Variants in SLC4A3 observed in about 807,000 individuals in gnomAD.
SLC4A3 encodes solute carrier family 4 member 3.
In SLC4A3, 47 loss-of-function variants were observed where a neutral mutation model predicts 114.2. The observed-to-expected ratio is 0.41, with a 90% CI of 0.33 to 0.52. The LOEUF is 0.52. SLC4A3 is among the 20% of genes least tolerant of loss of function. The probability of loss-of-function intolerance (pLI) is 0.21; values close to 1 mark genes in which losing one functional copy is unlikely to be tolerated. For missense variants in SLC4A3, 1,312 were observed against 1,668.3 expected, an observed-to-expected ratio of 0.79 and a Z score of 3.72; for synonymous variants, 693 against 710.3, an observed-to-expected ratio of 0.98 and a Z score of 0.39.
chr2:219,629,169 C>T lies in SLC4A3; in HGVS notation c.243C>T (p.Thr81=). Residue 81 remains threonine, a synonymous_variant, in exon 4 of 23, where the codon ACC becomes ACT. Coordinates refer to ENST00000358055, the MANE Select transcript of SLC4A3 (RefSeq NM_005070.4). ...TTCACCGGCACACATCCCACCACAC[C>T]CACCACCCGCTCTCAGCGCGCCTGC... is the stretch of plus-strand genomic sequence containing the variant. ...FEFHRHTSHH[T]HHPLSARLPP... is the part of the protein sequence containing the mutation. 1.2e-6 allele frequency: 2 copies of T among 1,605,542 alleles called. No individual in the cohort carries two copies. Among genetic ancestry groups the T allele is most frequent in the Non-Finnish European group, 1.7e-6 (2 of 1,175,660 alleles).
In SLC4A3 at chr2:219,640,890, C is replaced by CCTG; in HGVS notation, c.3558_3560dup (p.Leu1187dup). Reference sequence around the variant, plus strand: ...CGGCGGCCTCACTCGCCTTTCCCTTCCTGCTGCTGCTCACGGTGCCTCTGA... The same window carrying CCTG: ...CGGCGGCCTCACTCGCCTTTCCCTTCCTGCTGCTGCTGCTCACGGTGCCTCTGA... On this transcript the variant is annotated inframe_insertion, in exon 22 of 23. Coordinates refer to ENST00000358055, the MANE Select transcript of SLC4A3 (RefSeq NM_005070.4). 1 of 1,611,762 alleles carries CCTG rather than the reference C, an allele frequency of 6.2e-7. No homozygotes were observed. Among genetic ancestry groups the CCTG allele is most frequent in the East Asian group, 2.2e-5 (1 of 44,882 alleles).
intron 12 of SLC4A3, 74 bp downstream of exon 12, chr2:219,634,678 G>A (rs1482299760): frequency 6.6e-7 from 1 of 1,504,132 alleles, no homozygotes; most frequent in East Asian, 2.3e-5. Flanking sequence ...GTCCACAGTG[G>A]TGCCCATAGA....
At position 219,638,625 on chromosome 2, in the gene SLC4A3, C is replaced by G. The variant is rs899026731; in HGVS notation, c.2857-78C>G. ...GCTCCCTGAAGTCCTGGACTGGGGACGCAGCTTAGTGGGCTGCTTGGTGGG... is the reference window on the plus strand; with the variant it reads ...GCTCCCTGAAGTCCTGGACTGGGGAGGCAGCTTAGTGGGCTGCTTGGTGGG... On this transcript the variant is annotated intron_variant, in intron 18 of 22. Coordinates refer to ENST00000358055, the MANE Select transcript of SLC4A3 (RefSeq NM_005070.4). The surrounding 1 kb of genome is among the most constrained non-coding windows in gnomAD (Gnocchi z 7.5). The G allele has an allele frequency of 6.8e-7, 1 of 1,473,060 alleles. No individual in the cohort carries two copies. Among genetic ancestry groups the G allele is most frequent in the African/African-American group, 1.4e-5 (1 of 72,138 alleles). 91.2% of individuals were successfully genotyped at this position (1,473,060 alleles called of 1,614,324 possible).
chr2:219,640,905 G>C lies in SLC4A3; in HGVS notation c.3564G>C (p.Thr1188=). The stretch of plus-strand genomic sequence containing the variant: ...CCTTTCCCTTCCTGCTGCTGCTCAC[G>C]GTGCCTCTGAGGCATTGCCTTCTGC... ...SLAFPFLLLL[T]VPLRHCLLPR... is the part of the protein sequence containing the mutation. Residue 1188 remains threonine (T), a synonymous_variant, in exon 22 of 23, where the codon ACG becomes ACC. Coordinates refer to ENST00000358055, the MANE Select transcript of SLC4A3 (RefSeq NM_005070.4). 6.2e-7 allele frequency: 1 copy of C among 1,610,846 alleles called. No individual in the cohort carries two copies. Among genetic ancestry groups the C allele is most frequent in the Non-Finnish European group, 8.5e-7 (1 of 1,180,018 alleles).
Position 219,638,946 on chromosome 2 carries a change from G to C in SLC4A3, c.3023+77G>C. Reference sequence around the variant, plus strand: ...TCCTTGGCTTGGTTTCAGGGTTATAGCAGGGACATCATTATCAGTATCAGG... The same window carrying C: ...TCCTTGGCTTGGTTTCAGGGTTATACCAGGGACATCATTATCAGTATCAGG... On this transcript the variant is annotated intron_variant, in intron 19 of 22. Coordinates refer to ENST00000358055, the MANE Select transcript of SLC4A3 (RefSeq NM_005070.4). The surrounding 1 kb of genome is among the most constrained non-coding windows in gnomAD (Gnocchi z 7.5). 3 of 1,476,568 alleles carry C rather than the reference G, an allele frequency of 2.0e-6. No individual in the cohort carries two copies. The highest frequency in any genetic ancestry group is 2.8e-6 in the Non-Finnish European group (3 of 1,074,932). The allele number at this position is 1,476,568 out of a possible 1,614,324, so 91.5% of individuals were successfully genotyped here.
chr2:219,629,047 C>G, intron 3 of SLC4A3, 97 bp from the exon 4 acceptor site: 1 of 1,422,550 alleles, frequency 7.0e-7, no homozygotes, highest in Admixed American at 2.7e-5. Flanking sequence ...CTAGGGTGCC[C>G]TTGTTTGCGG....
rs1434732951 is a variant in SLC4A3 at position 219,628,649 on chromosome 2, G to A, written c.217+79G>A. ...CGCCACCATCACCGCGCTCACCTCC[G>A]GCTTGGTCACCCAGTGCCATCCTGT... On this transcript the variant is annotated intron_variant, in intron 3 of 22. Transcript: ENST00000358055. The surrounding 1 kb of genome is among the most constrained non-coding windows in gnomAD (Gnocchi z 4.8). The A allele has an allele frequency of 1.0e-5, 15 of 1,459,532 alleles. No homozygotes were observed. The highest frequency in any genetic ancestry group is 1.9e-5 in the Admixed American group (1 of 51,642). 90.4% of individuals were successfully genotyped at this position (1,459,532 alleles called of 1,614,324 possible).
rs368507348 is a variant in SLC4A3, at chr2:219,636,366, C to A, written c.2256C>A (p.Val752=). Residue 752 remains valine (V), a synonymous_variant, in exon 15 of 23, where the codon GTC becomes GTA. Transcript: ENST00000358055. The surrounding 1 kb of genome is among the most constrained non-coding windows in gnomAD (Gnocchi z 5.5). ...ELIVSTAVLG[V]LFSLLGAQPL... is the part of the protein sequence containing the mutation. Reference sequence around the variant, plus strand: ...TCGTGTCCACCGCTGTGCTCGGCGTCCTCTTCTCTCTGCTGGGAGCTCAGC... The same window carrying A: ...TCGTGTCCACCGCTGTGCTCGGCGTACTCTTCTCTCTGCTGGGAGCTCAGC... The A allele has an allele frequency of 1.2e-6, 2 of 1,613,780 alleles. No homozygotes were observed. The highest frequency in any genetic ancestry group is 1.7e-5 in the Admixed American group (1 of 59,990).
In SLC4A3 at chr2:219,639,362, C is replaced by T; in HGVS notation, c.3024-120C>T. The T allele has an allele frequency of 1.6e-6, 2 of 1,224,180 alleles. No individual in the cohort carries two copies. Among genetic ancestry groups the T allele is most frequent in the South Asian group, 2.8e-5 (2 of 72,392 alleles). The allele number at this position is 1,224,180 out of a possible 1,614,324, so 75.8% of individuals were successfully genotyped here. On this transcript the variant is annotated intron_variant, in intron 19 of 22. Transcript: ENST00000358055. This position sits in a 1 kb window ranked among gnomAD's most constrained non-coding sequence, Gnocchi z 5.9. Reference sequence around the variant, plus strand: ...AACTTGAAAGAAGAAGCTGGCAGTCCTAGGGAGAACTGTTGTCTGCACGTC... The same window carrying T: ...AACTTGAAAGAAGAAGCTGGCAGTCTTAGGGAGAACTGTTGTCTGCACGTC...
In SLC4A3 at chr2:219,637,843, A is replaced by T; in HGVS notation, c.2766+32A>T. Reference sequence around the variant, plus strand: ...GGCTGCTGGGTGTGGAGCCCCCAAGAGTCCCACAATTCCTGCTGTAGGAGC... The same window carrying T: ...GGCTGCTGGGTGTGGAGCCCCCAAGTGTCCCACAATTCCTGCTGTAGGAGC... On this transcript the variant is annotated intron_variant, in intron 17 of 22. Coordinates refer to ENST00000358055, the MANE Select transcript of SLC4A3 (RefSeq NM_005070.4). The surrounding 1 kb of genome is among the most constrained non-coding windows in gnomAD (Gnocchi z 4.6). The T allele has an allele frequency of 6.5e-7, 1 of 1,532,584 alleles. No homozygotes were observed. The highest frequency in any genetic ancestry group is 9.0e-7 in the Non-Finnish European group (1 of 1,106,370). The allele number at this position is 1,532,584 out of a possible 1,614,324, so 94.9% of individuals were successfully genotyped here.
chr2:219,640,608 G>C lies in SLC4A3; in HGVS notation c.3447+9G>C, dbSNP rs201025869. 1.2e-6 allele frequency: 2 copies of C among 1,612,772 alleles called. No individual in the cohort carries two copies. The highest frequency in any genetic ancestry group is 3.3e-5 in the Admixed American group (2 of 59,994). On this transcript the variant is annotated intron_variant, in intron 21 of 22. Coordinates refer to ENST00000358055, the MANE Select transcript of SLC4A3 (RefSeq NM_005070.4). ...AGCCCTATGTGACCAAGGTAGGGCC[G>C]GGAAGCATGGGGGTAGGGCAGTGGG... is the stretch of plus-strand genomic sequence containing the variant.
intron 21 of SLC4A3, 66 bp from the exon 22 acceptor site, chr2:219,640,723 C>T (rs1699295975): frequency 5.1e-6 from 8 of 1,578,628 alleles, no homozygotes; most frequent in Non-Finnish European, 6.9e-6. Context: ...CCAAATTCCC[C>T]ACGATGTGGG....
Position 219,636,295 on chromosome 2 carries a change from A to G in SLC4A3, c.2192-7A>G, listed in dbSNP as rs562440751. ...AGGCTAGGGCCATCCTACCCGTGCT[A>G]TGGCAGGAGAGAAGACCGAGGGGCT... On this transcript the variant is annotated splice_region_variant and splice_polypyrimidine_tract_variant and intron_variant, in intron 14 of 22. Coordinates refer to ENST00000358055, the MANE Select transcript of SLC4A3 (RefSeq NM_005070.4). This position sits in a 1 kb window ranked among gnomAD's most constrained non-coding sequence, Gnocchi z 5.5. 7.4e-6 allele frequency: 12 copies of G among 1,613,356 alleles called. No individual in the cohort carries two copies. Among genetic ancestry groups the G allele is most frequent in the East Asian group, 6.7e-5 (3 of 44,874 alleles).
At position 219,628,760 on chromosome 2, in the gene SLC4A3, TGGGGAG is replaced by T. The variant is rs1416010866; in HGVS notation, c.217+192_217+197del. 1.5e-6 allele frequency: 1 copy of T among 671,474 alleles called. No individual in the cohort carries two copies. Among genetic ancestry groups the T allele is most frequent in the Non-Finnish European group, 2.5e-6 (1 of 405,306 alleles). The allele number at this position is 671,474 out of a possible 1,614,324, so 41.6% of individuals were successfully genotyped here. A position where few individuals can be genotyped will look rare whatever the true frequency, so the allele number is the denominator to read the frequency against. ...CCCACCCATCGCCTGTCCGCCTGCCTGGGGAGGTGGGCCCCAGACCAGGGGAGATCT... is the reference window on the plus strand; with the variant it reads ...CCCACCCATCGCCTGTCCGCCTGCCTGTGGGCCCCAGACCAGGGGAGATCT... On this transcript the variant is annotated intron_variant, in intron 3 of 22. Transcript: ENST00000358055. The surrounding 1 kb of genome is among the most constrained non-coding windows in gnomAD (Gnocchi z 4.8).
chr2:219,640,756 C>T (rs1481765877), intron 21 of SLC4A3, 33 bp from the exon 22 acceptor site: 2 of 1,602,786 alleles, frequency 1.2e-6, no homozygotes, highest in South Asian at 2.2e-5. Context: ...GGCCGGGACG[C>T]TGTGCACTGG....
chr2:219,633,744 G>A (rs1029859821), intron 10 of SLC4A3, 136 bp from the exon 11 acceptor site: 8 of 1,349,852 alleles, frequency 5.9e-6, no homozygotes, highest in African/African-American at 1.5e-5. Flanking sequence ...GGCTCCCAGT[G>A]TGGGGCCACA....
rs1574656627 is a variant in SLC4A3, at chr2:219,638,048, G to T, written c.2767-116G>T. 5 of 856,328 alleles carry T rather than the reference G, an allele frequency of 5.8e-6. No individual in the cohort carries two copies. In the East Asian group the frequency reaches 1.3e-4, roughly 23 times the overall value. The allele number at this position is 856,328 out of a possible 1,614,324, so 53.0% of individuals were successfully genotyped here. On this transcript the variant is annotated intron_variant, in intron 17 of 22. Transcript: ENST00000358055. The surrounding 1 kb of genome is among the most constrained non-coding windows in gnomAD (Gnocchi z 7.5). ...GCACCTGTGGGGTTGAGAGGCACGT[G>T]GGGGGCCTTCTGGCTCCAGCTTGGA...
intron 5 of SLC4A3, among the ~76,000 whole-genome samples, 192 bp downstream of exon 5, chr2:219,629,887 G>A (rs539849010): frequency 1.4e-5 from 2 of 144,900 alleles, no homozygotes; most frequent in African/African-American, 2.5e-5. Flanking sequence ...GAACAAGGGG[G>A]GGGGGAGAAA....
rs1559195653 is a variant in SLC4A3, at chr2:219,628,445, T to TGGA, written c.102_104dup (p.Glu34dup). ...GAGGAGCCCCCTCTAAGTCCAGACGTGGAGGAGGAGGACGATGACTTGGGC... is the reference window on the plus strand; with the variant it reads ...GAGGAGCCCCCTCTAAGTCCAGACGTGGAGGAGGAGGAGGACGATGACTTGGGC... On this transcript the variant is annotated inframe_insertion, in exon 3 of 23. Transcript: ENST00000358055. The surrounding 1 kb of genome is among the most constrained non-coding windows in gnomAD (Gnocchi z 4.8). 8.7e-6 allele frequency: 14 copies of TGGA among 1,613,380 alleles called. No individual in the cohort carries two copies. Among genetic ancestry groups the TGGA allele is most frequent in the Non-Finnish European group, 1.2e-5 (14 of 1,179,776 alleles).
Sources: gnomAD v4.1 joint callset for allele counts (sites outside exome capture counted in the v4.1 genomes callset) on GRCh38, gnomAD v4.1.1 for gene constraint, Gnocchi (gnomAD v3.1) non-coding constraint, MANE v1.5 for transcripts, NCBI Gene and HGNC (gene_info 2026-07-23, HGNC 2026-07-21) for gene names.